Variants in FOXP2 observed in about 807,000 individuals in gnomAD.
FOXP2 encodes forkhead box P2.
A neutral mutation model predicts 115.8 loss-of-function variants in FOXP2; 12 were observed. The observed-to-expected ratio is 0.10, with a 90% confidence interval of 0.07 to 0.17. FOXP2 has a LOEUF of 0.17. Among genes scored for constraint, FOXP2 ranks in the 10% least tolerant of loss-of-function variants. The probability of loss-of-function intolerance (pLI) is 1.00; values close to 1 mark genes in which losing one functional copy is unlikely to be tolerated. For synonymous variants in FOXP2, 328 were observed against 297.7 expected, an observed-to-expected ratio of 1.10 and a Z score of -1.05; for missense variants, 629 against 843.5, an observed-to-expected ratio of 0.75 and a Z score of 3.15.
chr7:114,514,758 A>T (rs186489730), intron 2 of FOXP2, among the ~76,000 whole-genome samples: 6 of 151,400 alleles, frequency 4.0e-5, no homozygotes, highest in Non-Finnish European at 8.8e-5. Context: ...TTTAGGGTAC[A>T]TGTGCACAAT....
chr7:114,483,108 GTTTCT>G (rs1257456300), intron 2 of FOXP2, among the ~76,000 whole-genome samples: 1 of 151,446 alleles, frequency 6.6e-6, no homozygotes, highest in Admixed American at 6.6e-5. Flanking sequence ...ATTTATTCCT[GTTTCT>G]TTTCTTTTTT....
At chr7:114,388,569 T>G (rs879300226) in intron 2 of FOXP2, among the ~76,000 whole-genome samples, 2 of 152,182 alleles carry the variant, frequency 1.3e-5, no homozygotes, top group African/African-American at 2.4e-5. Flanking sequence ...AAAAGTTTTG[T>G]CGTTATTACC....
At chr7:114,238,019 A>G (rs1379129594) in intron 1 of FOXP2, among the ~76,000 whole-genome samples, 2 of 152,194 alleles carry the variant, frequency 1.3e-5, no homozygotes, top group Non-Finnish European at 2.9e-5. Context: ...CAAACAAAAA[A>G]TCAATTTTTA....
At chr7:114,474,528 T>C (rs1475525310) in intron 2 of FOXP2, among the ~76,000 whole-genome samples, 2 of 152,200 alleles carry the variant, frequency 1.3e-5, no homozygotes, top group African/African-American at 2.4e-5. Context: ...ACTCAGGCTC[T>C]GATTTATTTT....
At chr7:114,374,080 A>G (rs1792080567) in intron 2 of FOXP2, among the ~76,000 whole-genome samples, 1 of 152,202 alleles carries the variant, frequency 6.6e-6, no homozygotes, top group Non-Finnish European at 1.5e-5. Context: ...TTGACGTTTC[A>G]TAGCCTTCAA....
chr7:114,476,088 GTT>G (rs34615484), intron 2 of FOXP2, among the ~76,000 whole-genome samples: 2 of 136,590 alleles, frequency 1.5e-5, no homozygotes, highest in African/African-American at 5.3e-5. Context: ...GGATACTTGG[GTT>G]TTTTTTTTTT....
chr7:114,687,422 A>C (rs1585029705), intron 16 of FOXP2, among the ~76,000 whole-genome samples: 1 of 152,316 alleles, frequency 6.6e-6, no homozygotes, highest in South Asian at 2.1e-4. Context: ...GTACACATTT[A>C]TTTCTGACTT....
chr7:114,240,569 G>A (rs1584569669), intron 1 of FOXP2, among the ~76,000 whole-genome samples: 2 of 151,916 alleles, frequency 1.3e-5, no homozygotes, highest in East Asian at 1.9e-4. Context: ...GCATCATGAT[G>A]TGAGGGATTG....
In FOXP2 at chr7:114,140,221, A is replaced by G. The variant is rs144056397; in HGVS notation, c.-246-22723A>G. The stretch of plus-strand genomic sequence containing the variant: ...AGAAATAGTATAAAGTTAGTTCTCA[A>G]CTTCTTCATTTTCCAGAGCCCAACT... On this transcript the variant is annotated intron_variant, in intron 1 of 19. Coordinates refer to the FOXP2 transcript ENST00000635638. Among the ~76,000 whole-genome samples, 43 of 152,284 alleles carry G rather than the reference A, an allele frequency of 2.8e-4. 1 individual carries two copies. In the East Asian group the frequency reaches 7.5e-3, roughly 27 times the overall value.
At chr7:114,265,816 T>C (rs1795880347) in intron 1 of FOXP2, among the ~76,000 whole-genome samples, 1 of 152,082 alleles carries the variant, frequency 6.6e-6, no homozygotes, top group East Asian at 1.9e-4. Flanking sequence ...CCAGGGAACC[T>C]GCCAAGGATT....
At chr7:114,348,529 T>C (rs1187209635) in intron 2 of FOXP2, among the ~76,000 whole-genome samples, 1 of 152,044 alleles carries the variant, frequency 6.6e-6, no homozygotes, top group African/African-American at 2.4e-5. Context: ...CCAATTTTTC[T>C]ATTTTTTTTA....
At chr7:114,106,182 A>T (rs981193837) in intron 1 of FOXP2, among the ~76,000 whole-genome samples, 3 of 152,016 alleles carry the variant, frequency 2.0e-5, no homozygotes, top group Non-Finnish European at 2.9e-5. Context: ...TCATCTGTGA[A>T]CCTAATTTTT....
At chr7:114,389,790 G>A (rs750427719) in intron 2 of FOXP2, among the ~76,000 whole-genome samples, 11 of 152,094 alleles carry the variant, frequency 7.2e-5, no homozygotes, top group East Asian at 1.9e-4. Flanking sequence ...TTGGGAGGCC[G>A]AGGTGGGTGG....
intron 1 of FOXP2, among the ~76,000 whole-genome samples, chr7:114,278,606 G>A (rs765239686): frequency 1.3e-5 from 2 of 152,070 alleles, no homozygotes; most frequent in East Asian, 1.9e-4. Context: ...CACCCACCTC[G>A]GCTTCCCAAA....
intron 1 of FOXP2, among the ~76,000 whole-genome samples, chr7:114,181,894 C>T (rs761912126): frequency 2.0e-5 from 3 of 152,032 alleles, no homozygotes; most frequent in Non-Finnish European, 4.4e-5. Flanking sequence ...TAAAGTTAAC[C>T]TTGCTTTGTA....
chr7:114,659,464 T>A, intron 12 of FOXP2, 32 bp downstream of exon 12: 1 of 1,599,130 alleles, frequency 6.3e-7, no homozygotes, highest in Non-Finnish European at 8.6e-7. Flanking sequence ...TTTGCCTGAT[T>A]AAATTAAAAT....
chr7:114,464,761 T>C (rs1465624413), intron 2 of FOXP2, among the ~76,000 whole-genome samples: 1 of 152,256 alleles, frequency 6.6e-6, no homozygotes, highest in African/African-American at 2.4e-5. Flanking sequence ...TAGTCCATGA[T>C]GGTAGTATTC....
intron 2 of FOXP2, among the ~76,000 whole-genome samples, chr7:114,438,150 G>C (rs1011661043): frequency 6.6e-6 from 1 of 152,050 alleles, no homozygotes; most frequent in East Asian, 1.9e-4. Context: ...TGCTGGAAAT[G>C]ATTAGTCTAC....
At chr7:114,524,229 A>AT (rs1273025280) in intron 2 of FOXP2, among the ~76,000 whole-genome samples, 1 of 152,114 alleles carries the variant, frequency 6.6e-6, no homozygotes, top group Non-Finnish European at 1.5e-5. Context: ...GTGCTTAATA[A>AT]TTTCAGAGAC....
Sources: gnomAD v4.1 joint callset for allele counts (sites outside exome capture counted in the v4.1 genomes callset) on GRCh38, gnomAD v4.1.1 for gene constraint, MANE v1.5 for transcripts, NCBI Gene and HGNC (gene_info 2026-07-23, HGNC 2026-07-21) for gene names.